Variants in VPS13B observed in about 807,000 individuals in gnomAD.
VPS13B encodes the protein vacuolar protein sorting 13 homolog B.
Under a neutral mutation model 426.4 loss-of-function variants are expected in VPS13B, and 285 were observed. That is an observed-to-expected ratio of 0.67 (90% CI 0.61 to 0.74). VPS13B has a LOEUF of 0.74. Ranked by LOEUF, VPS13B falls within the 30% of genes least tolerant of loss-of-function variation. The pLI is 0.00. For synonymous variants in VPS13B, 1,676 were observed against 1,676.4 expected (o/e 1.00, Z 0.01); for missense variants, 4,537 against 4,782.6 (o/e 0.95, Z 1.51).
intron 35 of VPS13B, among the ~76,000 whole-genome samples, chr8:99,669,570 A>T (rs1830623475): frequency 6.6e-6 from 1 of 152,170 alleles, no homozygotes; most frequent in African/African-American, 2.4e-5. Context: ...CAAACACAAG[A>T]CAATGAATGC....
At position 99,170,082 on chromosome 8, in the gene VPS13B, G is replaced by C. The variant is rs1259691015; in HGVS notation, c.2252G>C (p.Gly751Ala). The part of the protein sequence containing the change: ...QAGLTSLDCS[G>A]SYCLPVPVIP... ...GGACTGACGTCTTTGGATTGCAGTGGATCTTACTGCTTACCTGTACCAGTT... is the reference window on the plus strand; with the variant it reads ...GGACTGACGTCTTTGGATTGCAGTGCATCTTACTGCTTACCTGTACCAGTT... Residue 751 changes from glycine to alanine, a missense_variant, in exon 16 of 62, where the codon GGA (glycine) becomes GCA (alanine). Physicochemically the swap from Gly to Ala is moderately conservative, Grantham distance 60. Transcript: ENST00000357162. 2 of 1,612,868 alleles carry C rather than the reference G, an allele frequency of 1.2e-6. No individual in the cohort carries two copies. The highest frequency in any genetic ancestry group is 3.3e-5 in the Admixed American group (2 of 59,974).
rs1034818329 is a variant in VPS13B, at chr8:99,554,029, CA to C, written c.4746-2411del. Among the ~76,000 whole-genome samples, 769 of 144,366 alleles carry C rather than the reference CA, an allele frequency of 5.3e-3. 3 individuals carry two copies. Among genetic ancestry groups the C allele is most frequent in the African/African-American group, 0.017 (691 of 39,596 alleles). 94.7% of individuals were successfully genotyped at this position (144,366 alleles called of 152,430 possible). ...GGAGAAACATAGCTTAATTTAAGTC[CA>C]AAAAAAAAATGGGAAATTTCAAGCC... On this transcript the variant is annotated intron_variant, in intron 30 of 61. Transcript: ENST00000357162.
chr8:99,320,090 A>G (rs548769586), intron 19 of VPS13B, among the ~76,000 whole-genome samples: 5 of 152,236 alleles, frequency 3.3e-5, no homozygotes, highest in East Asian at 1.9e-4. Context: ...TTTCCTTTCA[A>G]TGTTTTAGAA....
intron 34 of VPS13B, among the ~76,000 whole-genome samples, chr8:99,648,409 A>G (rs1829680418): frequency 6.6e-6 from 1 of 152,256 alleles, no homozygotes; most frequent in Non-Finnish European, 1.5e-5. Flanking sequence ...ATGGCTTAAG[A>G]AAAACTGTTT....
chr8:99,640,049 GAGAAAAGAAAAGAAAAGAA>G lies in VPS13B; in HGVS notation c.5221-1760_5221-1742del, dbSNP rs1335062201. ...ATAAGAAGAAGAAGAAGAAGAAGAAGAGAAAAGAAAAGAAAAGAAAAGAAAAGAAAAGAAAAGAAAAGAA... is the reference window on the plus strand; with the variant it reads ...ATAAGAAGAAGAAGAAGAAGAAGAAGAAGAAAAGAAAAGAAAAGAAAAGAA... On this transcript the variant is annotated intron_variant, in intron 33 of 61. Transcript: ENST00000357162. 2.3e-3 allele frequency among the ~76,000 whole-genome samples: 230 copies of G among 99,730 alleles called. 2 individuals are homozygous for G. Among genetic ancestry groups the G allele is most frequent in the East Asian group, 5.9e-3 (20 of 3,370 alleles). 65.4% of individuals were successfully genotyped at this position (99,730 alleles called of 152,430 possible).
chr8:99,106,207 G>A (rs1433084847), intron 5 of VPS13B, among the ~76,000 whole-genome samples: 3 of 151,676 alleles, frequency 2.0e-5, no homozygotes, highest in East Asian at 3.9e-4. Flanking sequence ...TGAGGCGGGC[G>A]GATCCCCTGA....
At chr8:99,062,467 T>C (rs1430714547) in intron 3 of VPS13B, among the ~76,000 whole-genome samples, 1 of 152,166 alleles carries the variant, frequency 6.6e-6, no homozygotes, top group East Asian at 1.9e-4. Context: ...AATAACTTTA[T>C]TATATGTTTA....
chr8:99,564,411 C>T (rs975960461), intron 31 of VPS13B, among the ~76,000 whole-genome samples: 18 of 152,148 alleles, frequency 1.2e-4, no homozygotes, highest in African/African-American at 1.2e-4. Flanking sequence ...GGGAAACATC[C>T]GGCAGCACAT....
intron 30 of VPS13B, among the ~76,000 whole-genome samples, chr8:99,542,132 G>A (rs538434986): frequency 1.5e-4 from 23 of 152,162 alleles, no homozygotes; most frequent in African/African-American, 3.1e-4. Flanking sequence ...CTCATGATCC[G>A]CCCGCCTTGG....
At position 99,433,926 on chromosome 8, in the gene VPS13B, CT is replaced by C. The variant is rs1817242745; in HGVS notation, c.3210+2263del. Reference sequence around the variant, plus strand: ...GTTCAAGCAATTCTTCTGCCTCAGCCTCCCCAGTAGCTGGAATTACAGGCGC... The same window carrying C: ...GTTCAAGCAATTCTTCTGCCTCAGCCCCCCAGTAGCTGGAATTACAGGCGC... On this transcript the variant is annotated intron_variant, in intron 22 of 61. Coordinates refer to ENST00000357162, the MANE Select transcript of VPS13B (RefSeq NM_152564.5). 2.0e-5 allele frequency among the ~76,000 whole-genome samples: 3 copies of C among 152,210 alleles called. No individual in the cohort carries two copies. In the South Asian group the frequency reaches 6.2e-4, roughly 32 times the overall value.
At chr8:99,179,770 T>A (rs1422081038) in intron 16 of VPS13B, among the ~76,000 whole-genome samples, 1 of 152,218 alleles carries the variant, frequency 6.6e-6, no homozygotes, top group Admixed American at 6.5e-5. Flanking sequence ...ACCTCGCATC[T>A]GTTGTAGACA....
chr8:99,703,472 G>T (rs1025406717), intron 36 of VPS13B, among the ~76,000 whole-genome samples: 2 of 151,996 alleles, frequency 1.3e-5, no homozygotes, highest in African/African-American at 2.4e-5. Context: ...TATTTTTAAG[G>T]TTGGTGTATA....
In VPS13B at chr8:99,352,264, T is replaced by C. The variant is rs971277572; in HGVS notation, c.2825-31944T>C. The stretch of plus-strand genomic sequence containing the variant: ...TGATTTTGTTTCCAATAATTTCTAA[T>C]GTATAGAGCCCTATTAACTCCTATT... On this transcript the variant is annotated intron_variant, in intron 19 of 61. Transcript: ENST00000357162. Among the ~76,000 whole-genome samples, 24 of 152,208 alleles carry C rather than the reference T, an allele frequency of 1.6e-4. 1 individual carries two copies. Among genetic ancestry groups the C allele is most frequent in the African/African-American group, 4.8e-4 (20 of 41,466 alleles).
intron 39 of VPS13B, among the ~76,000 whole-genome samples, chr8:99,729,664 T>C (rs1185710660): frequency 6.6e-6 from 1 of 152,224 alleles, no homozygotes; most frequent in Non-Finnish European, 1.5e-5. Context: ...GAAATTGAGT[T>C]TACAATGTAA....
intron 33 of VPS13B, among the ~76,000 whole-genome samples, chr8:99,630,661 GT>G (rs1306545392): frequency 6.7e-6 from 1 of 149,258 alleles, no homozygotes; most frequent in Non-Finnish European, 1.5e-5. Context: ...ACTGTTCTAG[GT>G]GCTAGGTGAT....
At chr8:99,669,836 C>T (rs905204113) in intron 35 of VPS13B, among the ~76,000 whole-genome samples, 3 of 151,948 alleles carry the variant, frequency 2.0e-5, no homozygotes, top group Non-Finnish European at 4.4e-5. Context: ...ACAGTTTTCT[C>T]CTTATATTGT....
intron 17 of VPS13B, chr8:99,234,314 A>G (rs1458577322): frequency 2.6e-6 from 2 of 756,422 alleles, no homozygotes; most frequent in Non-Finnish European, 5.0e-6. Flanking sequence ...CACATTCTCC[A>G]CTATCCCGTG....
intron 17 of VPS13B, among the ~76,000 whole-genome samples, chr8:99,244,824 TATTAC>T (rs1263881051): frequency 6.6e-6 from 1 of 152,198 alleles, no homozygotes; most frequent in Non-Finnish European, 1.5e-5. Flanking sequence ...AGAAGGACTA[TATTAC>T]ATTAGCTAAA....
At chr8:99,197,498 T>C (rs1473651017) in intron 17 of VPS13B, among the ~76,000 whole-genome samples, 1 of 152,206 alleles carries the variant, frequency 6.6e-6, no homozygotes, top group Non-Finnish European at 1.5e-5. Flanking sequence ...ACTCGTATTT[T>C]CCATTCTTTC....
Sources: gnomAD v4.1 joint callset for allele counts (sites outside exome capture counted in the v4.1 genomes callset) on GRCh38, gnomAD v4.1.1 for gene constraint, MANE v1.5 for transcripts, NCBI Gene and HGNC (gene_info 2026-07-23, HGNC 2026-07-21) for gene names.